Variants in RASGRF2 observed in about 807,000 individuals in gnomAD.
The protein encoded by RASGRF2 is ras-specific guanine nucleotide-releasing factor 2.
Under a neutral mutation model 151.0 loss-of-function variants are expected in RASGRF2, and 76 were observed. The observed-to-expected ratio is 0.50, with a 90% CI of 0.42 to 0.61. The LOEUF is 0.61. Among genes scored for constraint, RASGRF2 ranks in the 20% least tolerant of loss-of-function variants. The pLI, the probability that RASGRF2 is intolerant of heterozygous loss-of-function variation, is 0.00. For missense variants in RASGRF2, 1,148 were observed against 1,564.6 expected, an observed-to-expected ratio of 0.73 and a Z score of 4.49; for synonymous variants, 504 against 566.5, an observed-to-expected ratio of 0.89 and a Z score of 1.57.
intron 2 of RASGRF2, among the ~76,000 whole-genome samples, chr5:81,066,885 G>T (rs539178883): frequency 6.6e-6 from 1 of 152,216 alleles, no homozygotes; most frequent in African/African-American, 2.4e-5. Flanking sequence ...AACATGGCTT[G>T]CCATGGCCCA....
At chr5:81,070,437 A>T in intron 3 of RASGRF2, 55 bp from the exon 4 acceptor site, 3 of 1,425,524 alleles carry the variant, frequency 2.1e-6, no homozygotes, top group South Asian at 2.3e-5. Flanking sequence ...TCCTGTGTGT[A>T]TGGCTATAAT....
chr5:81,033,677 C>T (rs1344965091), intron 1 of RASGRF2, among the ~76,000 whole-genome samples: 1 of 151,904 alleles, frequency 6.6e-6, no homozygotes, highest in Non-Finnish European at 1.5e-5. Context: ...AAATGTTAGA[C>T]CTAAAACCAT....
intron 1 of RASGRF2, among the ~76,000 whole-genome samples, chr5:80,982,605 T>TATTATTATTATC: frequency 6.8e-6 from 1 of 147,858 alleles, no homozygotes; most frequent in East Asian, 2.0e-4. Context: ...TTATTATTAT[T>TATTATTATTATC]ATTATTATTA....
intron 1 of RASGRF2, among the ~76,000 whole-genome samples, chr5:81,000,101 TG>T (rs1249461800): frequency 6.6e-6 from 1 of 152,120 alleles, no homozygotes; most frequent in East Asian, 1.9e-4. Flanking sequence ...ACTTCCAAGG[TG>T]GCTTCTTGGT....
At chr5:81,131,439 C>T (rs1157301089) in intron 17 of RASGRF2, among the ~76,000 whole-genome samples, 2 of 152,142 alleles carry the variant, frequency 1.3e-5, no homozygotes, top group Non-Finnish European at 2.9e-5. Flanking sequence ...ACTGAAACCT[C>T]TGCCTCCCAG....
At position 80,982,580 on chromosome 5, in the gene RASGRF2, CTATTAT is replaced by C. The variant is rs10634471; in HGVS notation, c.288+21586_288+21591del. 5.0e-4 allele frequency among the ~76,000 whole-genome samples: 67 copies of C among 135,148 alleles called. 1 individual carries two copies. The highest frequency in any genetic ancestry group is 1.3e-3 in the East Asian group (6 of 4,478). The allele number at this position is 135,148 out of a possible 152,430, so 88.7% of individuals were successfully genotyped here. On this transcript the variant is annotated intron_variant, in intron 1 of 26. Coordinates refer to ENST00000265080, the MANE Select transcript of RASGRF2 (RefSeq NM_006909.3). ...CTGGAAGTGGGATAGAAATTTGGTTCTATTATTATTATTATTATTATTATTATTATT... is the reference window on the plus strand; with the variant it reads ...CTGGAAGTGGGATAGAAATTTGGTTCTATTATTATTATTATTATTATTATT...
intron 2 of RASGRF2, among the ~76,000 whole-genome samples, chr5:81,063,195 G>A (rs186369186): frequency 3.7e-4 from 56 of 152,144 alleles, no homozygotes; most frequent in Non-Finnish European, 6.5e-4. Flanking sequence ...TCTGGTATTT[G>A]GATTATTCTA....
chr5:80,961,964 C>T (rs1747574628), intron 1 of RASGRF2, among the ~76,000 whole-genome samples: 1 of 152,148 alleles, frequency 6.6e-6, no homozygotes, highest in Admixed American at 6.6e-5. Flanking sequence ...ATGAAAAAGG[C>T]TGATTGTTTT....
chr5:81,021,407 A>G (rs1332063501), intron 1 of RASGRF2, among the ~76,000 whole-genome samples: 3 of 152,194 alleles, frequency 2.0e-5, no homozygotes, highest in East Asian at 1.9e-4. Context: ...ATGAACCTGC[A>G]TTTAGTGGAG....
Position 81,117,712 on chromosome 5 carries a change from TACCTGAATCAGATACGGGTGAG to T in RASGRF2, c.2470+3807_2470+3828del, listed in dbSNP as rs565367866. Among the ~76,000 whole-genome samples the T allele has an allele frequency of 7.9e-5, 12 of 152,274 alleles. No homozygotes were observed. The South Asian group carries it at 2.3e-3, about 29-fold the overall frequency. ...CTGATAAGTCCGAAGTCCAGAGACT[TACCTGAATCAGATACGGGTGAG>T]ACCTGAATCAGATATGGGTGAGACT... On this transcript the variant is annotated intron_variant, in intron 15 of 26. Transcript: ENST00000265080.
At chr5:81,113,489 T>G (rs377450429) in intron 14 of RASGRF2, 49 bp from the exon 15 acceptor site, 11 of 1,506,644 alleles carry the variant, frequency 7.3e-6, no homozygotes, top group Non-Finnish European at 9.1e-6. Context: ...ATCTGGGAAT[T>G]CATTTCACTT....
intron 23 of RASGRF2, among the ~76,000 whole-genome samples, chr5:81,213,588 G>A (rs1486535050): frequency 1.3e-5 from 2 of 152,102 alleles, no homozygotes; most frequent in Non-Finnish European, 2.9e-5. Flanking sequence ...CCTACTCTGA[G>A]GATTTAAGCC....
intron 1 of RASGRF2, chr5:81,019,577 C>T (rs146315110): frequency 3.3e-5 from 5 of 152,258 alleles, no homozygotes; most frequent in Admixed American, 3.3e-4. Context: ...TTATCTGAAA[C>T]TGAAAAATGT....
chr5:81,117,616 T>G (rs1215117652), intron 15 of RASGRF2, among the ~76,000 whole-genome samples: 2 of 152,200 alleles, frequency 1.3e-5, no homozygotes, highest in Non-Finnish European at 2.9e-5. Flanking sequence ...CAAATTTATG[T>G]CCTTCTCACA....
At chr5:81,058,006 A>G (rs1424957887) in intron 2 of RASGRF2, among the ~76,000 whole-genome samples, 1 of 151,944 alleles carries the variant, frequency 6.6e-6, no homozygotes, top group Non-Finnish European at 1.5e-5. Flanking sequence ...AAAAATAATT[A>G]ATTAATTAAT....
intron 4 of RASGRF2, 135 bp from the exon 5 acceptor site, chr5:81,073,064 C>T (rs1487271298): frequency 1.8e-6 from 2 of 1,112,438 alleles, no homozygotes; most frequent in Non-Finnish European, 2.5e-6. Context: ...CACATCATCC[C>T]TAGGGAATCC....
At chr5:81,190,073 A>T (rs1324817806) in intron 18 of RASGRF2, among the ~76,000 whole-genome samples, 1 of 152,130 alleles carries the variant, frequency 6.6e-6, no homozygotes, top group Non-Finnish European at 1.5e-5. Context: ...CTAGCTGTCG[A>T]CACTGTCAGC....
At chr5:81,035,971 C>T (rs1304542162) in intron 1 of RASGRF2, among the ~76,000 whole-genome samples, 2 of 152,042 alleles carry the variant, frequency 1.3e-5, no homozygotes, top group Admixed American at 6.6e-5. Flanking sequence ...AAATTAATAA[C>T]ACAGAAAAAC....
intron 17 of RASGRF2, among the ~76,000 whole-genome samples, chr5:81,177,680 A>G (rs1754806993): frequency 6.6e-6 from 1 of 151,666 alleles, no homozygotes; most frequent in Non-Finnish European, 1.5e-5. Context: ...ACAATTTCAA[A>G]TGTGCTAAGT....
Sources: gnomAD v4.1 joint callset for allele counts (sites outside exome capture counted in the v4.1 genomes callset) on GRCh38, gnomAD v4.1.1 for gene constraint, MANE v1.5 for transcripts, NCBI Gene and HGNC (gene_info 2026-07-23, HGNC 2026-07-21) for gene names.